CTNNA3: variants seen among roughly 807,000 people sequenced by gnomAD.
CTNNA3 encodes the protein catenin alpha 3.
Under a neutral mutation model 95.7 loss-of-function variants are expected in CTNNA3, and 76 were observed. That is an observed-to-expected ratio of 0.79 (90% CI 0.66 to 0.96). CTNNA3 has a LOEUF of 0.96. Among genes scored for constraint, CTNNA3 ranks in the 40% least tolerant of loss-of-function variants. The pLI is 0.00. For missense variants in CTNNA3, 1,191 were observed against 1,089.8 expected, an observed-to-expected ratio of 1.09 and a Z score of -1.31; for synonymous variants, 431 against 374.4, an observed-to-expected ratio of 1.15 and a Z score of -1.74.
intron 5 of CTNNA3, among the ~76,000 whole-genome samples, chr10:67,232,627 A>C (rs1865270644): frequency 6.6e-6 from 1 of 151,956 alleles, no homozygotes; most frequent in Non-Finnish European, 1.5e-5. Flanking sequence ...ACCAGCTAAC[A>C]TCATAATGAC....
intron 6 of CTNNA3, among the ~76,000 whole-genome samples, chr10:67,196,512 A>G (rs1458567270): frequency 2.6e-5 from 4 of 152,090 alleles, no homozygotes; most frequent in Non-Finnish European, 5.9e-5. Context: ...AGTAATGAAC[A>G]TATTACATTT....
In CTNNA3 at chr10:67,311,049, A is replaced by G. The variant is rs141527742; in HGVS notation, c.580-91179T>C. Reference sequence around the variant, plus strand: ...GTGCCACAGAAAAGGTAACTAGTATAAAGGAATTTACAAAATTATAATTTA... The same window carrying G: ...GTGCCACAGAAAAGGTAACTAGTATGAAGGAATTTACAAAATTATAATTTA... On this transcript the variant is annotated intron_variant, in intron 5 of 17. Coordinates refer to ENST00000433211, the MANE Select transcript of CTNNA3 (RefSeq NM_013266.4). Among the ~76,000 whole-genome samples, 434 of 152,294 alleles carry G rather than the reference A, an allele frequency of 2.8e-3. 3 individuals carry two copies. Among genetic ancestry groups the G allele is most frequent in the African/African-American group, 1.0e-2 (414 of 41,558 alleles).
In CTNNA3 at chr10:66,935,610, C is replaced by T. The variant is rs10997446; in HGVS notation, c.1048-160086G>A. On this transcript the variant is annotated intron_variant, in intron 7 of 17. Transcript: ENST00000433211. ...ACGTATTTGTATTTCCACCAAGGTACGTATGTTGTACATGCCTAAAAAAAT... is the reference window on the plus strand; with the variant it reads ...ACGTATTTGTATTTCCACCAAGGTATGTATGTTGTACATGCCTAAAAAAAT... 0.02 allele frequency among the ~76,000 whole-genome samples: 3,060 copies of T among 151,798 alleles called. 213 individuals carry two copies. The East Asian group carries it at 0.26, about 13-fold the overall frequency.
At chr10:66,481,534 CG>C (rs1839532875) in intron 11 of CTNNA3, among the ~76,000 whole-genome samples, 1 of 114,924 alleles carries the variant, frequency 8.7e-6, no homozygotes, top group South Asian at 2.8e-4. Context: ...TGCAGTGGCA[CG>C]ATCTCGGCTC....
chr10:66,314,537 G>A (rs2092072113), intron 12 of CTNNA3, among the ~76,000 whole-genome samples: 2 of 151,868 alleles, frequency 1.3e-5, no homozygotes, highest in South Asian at 4.2e-4. Context: ...TTGAAGTATG[G>A]CAGAGAAAAC....
At position 65,918,065 on chromosome 10, in the gene CTNNA3, A is replaced by G. The variant is rs1243605182; in HGVS notation, c.*2265T>C. On this transcript the variant is annotated 3_prime_UTR_variant, in exon 18 of 18. Coordinates refer to ENST00000433211, the MANE Select transcript of CTNNA3 (RefSeq NM_013266.4). ...ATTTAATTATAGTTTGCTTTGAGCT[A>G]AGCTGAAAATCTGCCTGGGTTAAAG... 1 of 152,180 alleles carries G rather than the reference A, an allele frequency of 6.6e-6. No homozygotes were observed. The highest frequency in any genetic ancestry group is 1.5e-5 in the Non-Finnish European group (1 of 68,026). 9.4% of individuals were successfully genotyped at this position (152,180 alleles called of 1,614,324 possible). A position where few individuals can be genotyped will look rare whatever the true frequency, so the allele number is the denominator to read the frequency against.
chr10:66,036,122 G>C (rs773778576), intron 15 of CTNNA3, among the ~76,000 whole-genome samples: 1 of 152,068 alleles, frequency 6.6e-6, no homozygotes, highest in African/African-American at 2.4e-5. Context: ...CAGTTCTCTA[G>C]AGAAAAACAC....
intron 3 of CTNNA3, among the ~76,000 whole-genome samples, chr10:67,577,340 G>A (rs1842196731): frequency 6.6e-6 from 1 of 151,966 alleles, no homozygotes; most frequent in Non-Finnish European, 1.5e-5. Context: ...TTTGAGAAGT[G>A]TCTGTTCATG....
At chr10:67,313,425 C>T (rs1022326651) in intron 5 of CTNNA3, among the ~76,000 whole-genome samples, 1 of 150,038 alleles carries the variant, frequency 6.7e-6, no homozygotes, top group African/African-American at 2.5e-5. Flanking sequence ...GAGCGAGAAT[C>T]CGTCTCAAAA....
At chr10:65,930,974 G>A (rs2077243845) in intron 17 of CTNNA3, among the ~76,000 whole-genome samples, 1 of 152,016 alleles carries the variant, frequency 6.6e-6, no homozygotes, top group Non-Finnish European at 1.5e-5. Flanking sequence ...AAAGAATATG[G>A]TTTTCTGATT....
chr10:67,336,459 CAT>C (rs1842000041), intron 5 of CTNNA3, among the ~76,000 whole-genome samples: 1 of 152,160 alleles, frequency 6.6e-6, no homozygotes, highest in African/African-American at 2.4e-5. Context: ...TCCTTCATAA[CAT>C]AAAAGTTCAA....
At chr10:67,211,742 A>G (rs750765746) in intron 6 of CTNNA3, among the ~76,000 whole-genome samples, 1 of 152,166 alleles carries the variant, frequency 6.6e-6, no homozygotes, top group Non-Finnish European at 1.5e-5. Flanking sequence ...ATCATTTGTC[A>G]CAAGAGCATT....
chr10:66,155,642 TA>T (rs1480005075), intron 13 of CTNNA3, among the ~76,000 whole-genome samples: 5 of 151,796 alleles, frequency 3.3e-5, no homozygotes, highest in Non-Finnish European at 7.4e-5. Flanking sequence ...GTCAAGTGGA[TA>T]TATGTATGAG....
intron 4 of CTNNA3, among the ~76,000 whole-genome samples, chr10:67,528,744 A>G (rs888964443): frequency 2.6e-5 from 4 of 152,216 alleles, no homozygotes; most frequent in African/African-American, 9.7e-5. Flanking sequence ...AATCCCTAGC[A>G]CATACTAGAG....
At chr10:67,002,442 T>A (rs1360427802) in intron 7 of CTNNA3, among the ~76,000 whole-genome samples, 1 of 152,188 alleles carries the variant, frequency 6.6e-6, no homozygotes, top group Non-Finnish European at 1.5e-5. Context: ...TAATGCTTTC[T>A]ACAAGGTTGA....
chr10:66,346,246 T>G (rs4450079), intron 12 of CTNNA3, among the ~76,000 whole-genome samples: 1,263 of 27,276 alleles, frequency 0.046, 19 homozygotes, highest in African/African-American at 0.1. Flanking sequence ...TATATATATA[T>G]AGAGAGAGAG....
chr10:66,007,801 T>TTCCCCCTCCCTC (rs1564574006), intron 15 of CTNNA3, among the ~76,000 whole-genome samples: 1 of 66,786 alleles, frequency 1.5e-5, no homozygotes, highest in Non-Finnish European at 3.0e-5. Flanking sequence ...CTCCCTTCCT[T>TTCCCCCTCCCTC]CCTCCCTCGC....
At chr10:67,202,029 T>C (rs1376471136) in intron 6 of CTNNA3, among the ~76,000 whole-genome samples, 2 of 152,202 alleles carry the variant, frequency 1.3e-5, no homozygotes, top group Non-Finnish European at 2.9e-5. Flanking sequence ...TGATAAAAAC[T>C]AATATGTTGG....
At chr10:65,996,075 G>GT (rs1239659360) in intron 15 of CTNNA3, among the ~76,000 whole-genome samples, 8 of 152,192 alleles carry the variant, frequency 5.3e-5, no homozygotes, top group Non-Finnish European at 7.4e-5. Flanking sequence ...CTGTGGGCCT[G>GT]TTTCTGGGAA....
Sources: gnomAD v4.1 joint callset for allele counts (sites outside exome capture counted in the v4.1 genomes callset) on GRCh38, gnomAD v4.1.1 for gene constraint, MANE v1.5 for transcripts, NCBI Gene and HGNC (gene_info 2026-07-23, HGNC 2026-07-21) for gene names.